Variants in ANKS1B observed in about 807,000 individuals in gnomAD.
ANKS1B encodes the protein ankyrin repeat and sterile alpha motif domain-containing protein 1B.
A neutral mutation model predicts 148.3 loss-of-function variants in ANKS1B; 36 were observed. That is an observed-to-expected ratio of 0.24 (90% confidence interval 0.19 to 0.32). The LOEUF (loss-of-function observed/expected upper bound fraction) is 0.32, where lower values mean the gene tolerates loss of function less well. ANKS1B is among the 10% of genes least tolerant of loss of function. The pLI is 1.00. For synonymous variants in ANKS1B, 542 were observed against 560.8 expected (o/e 0.97, Z 0.47); for missense variants, 1,157 against 1,542.6 (o/e 0.75, Z 4.19).
chr12:99,431,729 C>A (rs1306560018), intron 11 of ANKS1B, among the ~76,000 whole-genome samples: 1 of 152,106 alleles, frequency 6.6e-6, no homozygotes, highest in Non-Finnish European at 1.5e-5. Context: ...TATTAGAATG[C>A]CCTAAGTAAA....
At chr12:99,002,488 C>CTT (rs140934941) in intron 17 of ANKS1B, among the ~76,000 whole-genome samples, 8,951 of 147,468 alleles carry the variant, frequency 0.061, 627 homozygotes, top group African/African-American at 0.16. Flanking sequence ...GTACTTATCT[C>CTT]TCTTTTTTTT....
At chr12:99,485,295 CT>C (rs934466538) in intron 10 of ANKS1B, among the ~76,000 whole-genome samples, 1 of 151,926 alleles carries the variant, frequency 6.6e-6, no homozygotes, top group African/African-American at 2.4e-5. Flanking sequence ...ATATAAAATT[CT>C]TGGCTGACAG....
At chr12:99,727,792 A>G (rs2058755145) in intron 8 of ANKS1B, among the ~76,000 whole-genome samples, 1 of 152,172 alleles carries the variant, frequency 6.6e-6, no homozygotes, top group Non-Finnish European at 1.5e-5. Flanking sequence ...CAAAACAGAC[A>G]TATAGACCAG....
intron 9 of ANKS1B, among the ~76,000 whole-genome samples, chr12:98,736,211 A>G (rs775618021): frequency 2.0e-5 from 3 of 152,238 alleles, no homozygotes; most frequent in Non-Finnish European, 2.9e-5. Flanking sequence ...GTGGGAATCA[A>G]CTGAAAGGGG....
chr12:99,664,511 G>A (rs538575550), intron 8 of ANKS1B, among the ~76,000 whole-genome samples: 2 of 152,144 alleles, frequency 1.3e-5, no homozygotes, highest in African/African-American at 4.8e-5. Context: ...CGTACAGTAT[G>A]GCATTTTCAA....
At chr12:98,870,644 G>T (rs1012176029) in intron 17 of ANKS1B, among the ~76,000 whole-genome samples, 3 of 152,194 alleles carry the variant, frequency 2.0e-5, no homozygotes, top group Non-Finnish European at 4.4e-5. Context: ...TAACGAGGTG[G>T]TGACGCCCTA....
At chr12:99,766,165 A>C (rs1361830291) in intron 8 of ANKS1B, among the ~76,000 whole-genome samples, 1 of 152,166 alleles carries the variant, frequency 6.6e-6, no homozygotes, top group Non-Finnish European at 1.5e-5. Context: ...TTGCCTTTTT[A>C]TGCATTTATT....
chr12:98,994,577 C>T (rs2099928445), intron 17 of ANKS1B, among the ~76,000 whole-genome samples: 1 of 152,186 alleles, frequency 6.6e-6, no homozygotes, highest in African/African-American at 2.4e-5. Context: ...CAAGATCGTA[C>T]CACTGCACTC....
intron 9 of ANKS1B, among the ~76,000 whole-genome samples, chr12:99,592,470 G>C (rs964761084): frequency 9.0e-5 from 13 of 143,726 alleles, no homozygotes; most frequent in African/African-American, 1.3e-4. Context: ...GCTTACTAGA[G>C]ATTGGAAATG....
intron 17 of ANKS1B, among the ~76,000 whole-genome samples, chr12:98,856,632 G>C (rs2099573209): frequency 6.6e-6 from 1 of 152,096 alleles, no homozygotes; most frequent in South Asian, 2.1e-4. Flanking sequence ...TGAGGAGAGT[G>C]GTCAGTGTTT....
rs557297947 is a variant in ANKS1B at position 99,234,601 on chromosome 12, T to C, written c.2419+9741A>G. ...ACAAGGTGAGAGCTAAAATTTAATATGTATCTGCATATGTTAGACTTTTAT... is the reference window on the plus strand; with the variant it reads ...ACAAGGTGAGAGCTAAAATTTAATACGTATCTGCATATGTTAGACTTTTAT... On this transcript the variant is annotated intron_variant, in intron 14 of 26. Coordinates refer to ENST00000683438, the MANE Select transcript of ANKS1B (RefSeq NM_001352186.2). 5.9e-5 allele frequency among the ~76,000 whole-genome samples: 9 copies of C among 152,296 alleles called. 1 individual carries two copies. In the South Asian group the frequency reaches 1.9e-3, roughly 32 times the overall value.
intron 9 of ANKS1B, among the ~76,000 whole-genome samples, chr12:99,641,369 T>C (rs1207029289): frequency 1.3e-5 from 2 of 152,206 alleles, no homozygotes; most frequent in Non-Finnish European, 2.9e-5. Flanking sequence ...GGCCAATTAC[T>C]TTAACTAAAT....
chr12:99,965,191 G>C (rs2095470231), intron 1 of ANKS1B, among the ~76,000 whole-genome samples: 1 of 152,034 alleles, frequency 6.6e-6, no homozygotes, highest in Non-Finnish European at 1.5e-5. Context: ...GTTGATTCCA[G>C]GGCTAAGGCA....
At chr12:99,178,143 C>T (rs11109753) in intron 14 of ANKS1B, among the ~76,000 whole-genome samples, 18,444 of 152,200 alleles carry the variant, frequency 0.12, 1,335 homozygotes, top group South Asian at 0.24. Context: ...GTCATTCCAA[C>T]GCCATACTCT....
At chr12:98,974,357 T>G (rs1054439868) in intron 17 of ANKS1B, among the ~76,000 whole-genome samples, 2 of 152,220 alleles carry the variant, frequency 1.3e-5, no homozygotes, top group Admixed American at 1.3e-4. Flanking sequence ...CCTCAGGTTA[T>G]TCACAAGTAA....
At chr12:99,475,315 T>G (rs2096301521) in intron 10 of ANKS1B, among the ~76,000 whole-genome samples, 1 of 150,932 alleles carries the variant, frequency 6.6e-6, no homozygotes, top group Admixed American at 6.6e-5. Flanking sequence ...ATTAAAATAA[T>G]TTTGTAAGGT....
At chr12:99,004,322 G>A (rs1190570630) in intron 17 of ANKS1B, among the ~76,000 whole-genome samples, 1 of 151,618 alleles carries the variant, frequency 6.6e-6, no homozygotes, top group Non-Finnish European at 1.5e-5. Context: ...ACTTTACTCT[G>A]TTTTAATGTT....
Position 98,779,859 on chromosome 12 carries a change from T to C in ANKS1B, c.3441+1258A>G, listed in dbSNP as rs546053628. ...AACCATCAACAATATTTTGCACAGT[T>C]GGAATCACCATTATGCTGATATTAT... On this transcript the variant is annotated intron_variant, in intron 24 of 26. Transcript: ENST00000683438. Among the ~76,000 whole-genome samples the C allele has an allele frequency of 2.2e-3, 332 of 152,342 alleles. 2 individuals are homozygous for C. The highest frequency in any genetic ancestry group is 3.6e-3 in the Non-Finnish European group (248 of 68,038).
intron 14 of ANKS1B, among the ~76,000 whole-genome samples, chr12:99,213,226 C>G (rs7980817): frequency 0.013 from 1,907 of 152,306 alleles, 35 homozygotes; most frequent in African/African-American, 0.043. Flanking sequence ...ATCCGCACGG[C>G]CTGCTTCTCT....
Sources: allele counts gnomAD v4.1 joint callset (sites outside exome capture counted in the v4.1 genomes callset), GRCh38; gene constraint gnomAD v4.1.1; transcripts MANE v1.5; gene names NCBI Gene and HGNC (gene_info 2026-07-23, HGNC 2026-07-21).